CNTN5: variants seen among roughly 807,000 people sequenced by gnomAD.
CNTN5 encodes the protein contactin-5.
CNTN5 carries 77 observed loss-of-function variants against 129.1 expected under a neutral mutation model. The observed-to-expected ratio is 0.60, with a 90% CI of 0.50 to 0.72. The LOEUF (loss-of-function observed/expected upper bound fraction) is 0.72. CNTN5 is among the 30% of genes least tolerant of loss of function. The pLI is 0.00. For missense variants in CNTN5, 1,478 were observed against 1,328.8 expected, an observed-to-expected ratio of 1.11 and a Z score of -1.75; for synonymous variants, 509 against 465.6, an observed-to-expected ratio of 1.09 and a Z score of -1.20.
chr11:99,122,034 G>T (rs1591229154), intron 1 of CNTN5, among the ~76,000 whole-genome samples: 2 of 151,778 alleles, frequency 1.3e-5, no homozygotes, highest in South Asian at 4.2e-4. Flanking sequence ...TGTACAACAT[G>T]CAGGTTTGTT....
chr11:99,096,161 TA>T (rs1053215113), intron 1 of CNTN5, among the ~76,000 whole-genome samples: 36 of 152,038 alleles, frequency 2.4e-4, no homozygotes, highest in African/African-American at 8.4e-4. Flanking sequence ...AATAATGTGA[TA>T]AAAATATCTT....
intron 13 of CNTN5, among the ~76,000 whole-genome samples, chr11:100,107,834 A>G (rs955074924): frequency 3.3e-5 from 5 of 152,098 alleles, no homozygotes; most frequent in African/African-American, 1.2e-4. Flanking sequence ...ACATTTTAAC[A>G]TATAAGCCTA....
At chr11:100,243,705 G>A (rs73561698) in intron 16 of CNTN5, among the ~76,000 whole-genome samples, 8,469 of 152,104 alleles carry the variant, frequency 0.056, 792 homozygotes, top group African/African-American at 0.19. Flanking sequence ...CACTGACTCA[G>A]CACCAATAAA....
intron 13 of CNTN5, among the ~76,000 whole-genome samples, chr11:100,189,277 A>T (rs117148122): frequency 1.3e-5 from 2 of 152,006 alleles, no homozygotes; most frequent in South Asian, 4.1e-4. Flanking sequence ...AAAAAAAAAA[A>T]AAAAAACCTT....
At chr11:100,257,828 G>A (rs1950108322) in intron 17 of CNTN5, among the ~76,000 whole-genome samples, 2 of 152,142 alleles carry the variant, frequency 1.3e-5, no homozygotes, top group Admixed American at 1.3e-4. Flanking sequence ...CCACAAAGAT[G>A]AGGAAAAAAC....
Position 99,213,485 on chromosome 11 carries a change from T to C in CNTN5, c.-209-111861T>C, listed in dbSNP as rs542726825. Among the ~76,000 whole-genome samples, 729 of 101,284 alleles carry C rather than the reference T, an allele frequency of 7.2e-3. 8 individuals are homozygous for C. Among genetic ancestry groups the C allele is most frequent in the African/African-American group, 0.024 (664 of 27,212 alleles). The allele number at this position is 101,284 out of a possible 152,430, so 66.4% of individuals were successfully genotyped here. ...ATATACGTGTGTATATATACACACA[T>C]ATATATATATATACACATATATATT... On this transcript the variant is annotated intron_variant, in intron 1 of 24. Transcript: ENST00000524871.
chr11:99,760,990 A>C (rs1944560678), intron 3 of CNTN5, among the ~76,000 whole-genome samples: 1 of 152,230 alleles, frequency 6.6e-6, no homozygotes, highest in African/African-American at 2.4e-5. Flanking sequence ...TAAATTGTTT[A>C]ATCATTGTCT....
In CNTN5 at chr11:99,153,967, T is replaced by A. The variant is rs183402289; in HGVS notation, c.-210+132697T>A. The stretch of plus-strand genomic sequence containing the variant: ...GCATCCTCTAACTCTGGGGAGTTGG[T>A]AATGTGCTCTTGGCTTTGTTTTCTG... On this transcript the variant is annotated intron_variant, in intron 1 of 24. Transcript: ENST00000524871. Among the ~76,000 whole-genome samples, 30 of 152,244 alleles carry A rather than the reference T, an allele frequency of 2.0e-4. No individual in the cohort carries two copies. The East Asian group carries it at 5.8e-3, about 29-fold the overall frequency.
intron 3 of CNTN5, among the ~76,000 whole-genome samples, chr11:99,561,291 ATAAGTAAG>A (rs199944503): frequency 6.6e-6 from 1 of 152,018 alleles, no homozygotes; most frequent in African/African-American, 2.4e-5. Context: ...ATTTCAGCAA[ATAAGTAAG>A]TAAGTAAGTA....
At chr11:99,842,386 G>A (rs1383570111) in intron 4 of CNTN5, among the ~76,000 whole-genome samples, 1 of 152,098 alleles carries the variant, frequency 6.6e-6, no homozygotes. Flanking sequence ...TTTATTCAGT[G>A]CTTGCAATAT....
chr11:99,270,682 A>G (rs1198190006), intron 1 of CNTN5, among the ~76,000 whole-genome samples: 2 of 151,984 alleles, frequency 1.3e-5, no homozygotes, highest in South Asian at 4.1e-4. Context: ...AATAATAGGC[A>G]TTTAGAACAG....
intron 6 of CNTN5, among the ~76,000 whole-genome samples, chr11:99,894,528 A>AC (rs1591378047): frequency 1.4e-5 from 2 of 145,722 alleles, no homozygotes; most frequent in East Asian, 4.4e-4. Flanking sequence ...AAAAAAAAAA[A>AC]ACCAAAAAAC....
At chr11:100,175,959 G>A (rs949504506) in intron 13 of CNTN5, among the ~76,000 whole-genome samples, 13 of 151,888 alleles carry the variant, frequency 8.6e-5, no homozygotes, top group African/African-American at 3.1e-4. Flanking sequence ...CCTATAAAAA[G>A]GTGCTTTTTG....
intron 3 of CNTN5, among the ~76,000 whole-genome samples, chr11:99,710,640 C>T (rs185405454): frequency 2.0e-5 from 3 of 150,394 alleles, no homozygotes; most frequent in Non-Finnish European, 4.4e-5. Context: ...AGGTCCACAT[C>T]CCAAATCTGA....
intron 3 of CNTN5, among the ~76,000 whole-genome samples, chr11:99,624,815 C>T (rs1443716221): frequency 1.3e-5 from 2 of 152,118 alleles, no homozygotes; most frequent in African/African-American, 4.8e-5. Flanking sequence ...AAATATAGCT[C>T]ATTGCTTCTG....
intron 3 of CNTN5, among the ~76,000 whole-genome samples, chr11:99,753,266 G>A (rs1944295912): frequency 6.6e-6 from 1 of 150,998 alleles, no homozygotes. Context: ...GGGACTACAG[G>A]TGCCCGCCAC....
At chr11:99,121,151 T>C (rs1858304764) in intron 1 of CNTN5, among the ~76,000 whole-genome samples, 1 of 114,362 alleles carries the variant, frequency 8.7e-6, no homozygotes, top group Non-Finnish European at 2.0e-5. Flanking sequence ...TTTTTTTTTT[T>C]TGAGATCGAG....
chr11:99,062,709 A>C (rs1248067222), intron 1 of CNTN5, among the ~76,000 whole-genome samples: 1 of 151,868 alleles, frequency 6.6e-6, no homozygotes, highest in Non-Finnish European at 1.5e-5. Flanking sequence ...ATAAACAATA[A>C]TAAAATCACT....
At chr11:100,056,602 G>T (rs1292526887) in intron 9 of CNTN5, among the ~76,000 whole-genome samples, 4 of 151,606 alleles carry the variant, frequency 2.6e-5, no homozygotes, top group Admixed American at 6.6e-5. Context: ...TTTTCAGAGA[G>T]AAAATTCATC....
Sources: gnomAD v4.1 joint callset for allele counts (sites outside exome capture counted in the v4.1 genomes callset) on GRCh38, gnomAD v4.1.1 for gene constraint, MANE v1.5 for transcripts, NCBI Gene and HGNC (gene_info 2026-07-23, HGNC 2026-07-21) for gene names.